SMYD4: variants seen among roughly 807,000 people sequenced by gnomAD.
SMYD4 encodes protein-lysine N-methyltransferase SMYD4.
Under a neutral mutation model 72.8 loss-of-function variants are expected in SMYD4, and 68 were observed. The observed-to-expected ratio is 0.93, with a 90% CI of 0.77 to 1.14. The LOEUF (loss-of-function observed/expected upper bound fraction) is 1.14. Among genes scored for constraint, SMYD4 ranks in the 50% most tolerant of loss-of-function variants. SMYD4 has a pLI of 0.00. For synonymous variants in SMYD4, 407 were observed against 388.6 expected, an observed-to-expected ratio of 1.05 and a Z score of -0.56; for missense variants, 984 against 1,003.7, an observed-to-expected ratio of 0.98 and a Z score of 0.27.
rs1313785666 is a variant in SMYD4, at chr17:1,823,152, T to C, written c.134+4709A>G. Among the ~76,000 whole-genome samples the C allele has an allele frequency of 5.4e-5, 8 of 149,258 alleles. No individual in the cohort carries two copies. The Admixed American group carries it at 5.4e-4, about 10-fold the overall frequency. On this transcript the variant is annotated intron_variant, in intron 2 of 10. Coordinates refer to ENST00000305513, the MANE Select transcript of SMYD4 (RefSeq NM_052928.3). ...TTGGGAGGCTGAGGCGGGTGGATCA[T>C]GAGGTCAGGAGATCAAGACCATCCT...
At chr17:1,818,454 A>T (rs1181236915) in intron 2 of SMYD4, among the ~76,000 whole-genome samples, 1 of 152,196 alleles carries the variant, frequency 6.6e-6, no homozygotes. Flanking sequence ...AAATAAGGAC[A>T]TTCTCCTATA....
At chr17:1,790,942 C>G (rs977972321) in intron 5 of SMYD4, among the ~76,000 whole-genome samples, 10 of 151,038 alleles carry the variant, frequency 6.6e-5, no homozygotes, top group Admixed American at 5.9e-4. Context: ...CTGGCTAACA[C>G]GGCGAAACCC....
At chr17:1,790,314 CTAAT>C (rs1368751938) in intron 5 of SMYD4, among the ~76,000 whole-genome samples, 2 of 152,114 alleles carry the variant, frequency 1.3e-5, no homozygotes, top group African/African-American at 4.8e-5. Flanking sequence ...GAATAGCTCT[CTAAT>C]TATTTCTAAA....
intron 5 of SMYD4, among the ~76,000 whole-genome samples, chr17:1,789,764 C>CAAAAAAAAAAA (rs60740904): frequency 4.8e-4 from 43 of 90,128 alleles, no homozygotes; most frequent in African/African-American, 1.4e-3. Flanking sequence ...GACTCTGTCT[C>CAAAAAAAAAAA]AAAAAAAAAA....
chr17:1,800,057 C>T lies in SMYD4; in HGVS notation c.1337G>A (p.Cys446Tyr). ...TAGCTGTCTGCACAGTGCAGAAACA[C>T]AGAGAGCACAGAGGAATTTGTGCTC... ...SPEHKFLCAL[C>Y]VSALCRQLEA... Residue 446 changes from cysteine (C) to tyrosine (Y), a missense_variant, in exon 5 of 11, where the codon TGT becomes TAT. Cys to Tyr is a radical substitution (Grantham distance 194). Coordinates refer to ENST00000305513, the MANE Select transcript of SMYD4 (RefSeq NM_052928.3). 1 of 1,612,934 alleles carries T rather than the reference C, an allele frequency of 6.2e-7. No homozygotes were observed. The highest frequency in any genetic ancestry group is 8.5e-7 in the Non-Finnish European group (1 of 1,179,186).
At position 1,789,634 on chromosome 17, in the gene SMYD4, G is replaced by A. The variant is rs530099231; in HGVS notation, c.1538-2030C>T. On this transcript the variant is annotated intron_variant, in intron 5 of 10. Transcript: ENST00000305513. ...TAAAAACTTAGCTGAGCGTGGTGGC[G>A]TGCACCAGTAATCCCTGCTACTCGG... 4.6e-5 allele frequency among the ~76,000 whole-genome samples: 7 copies of A among 151,380 alleles called. No homozygotes were observed. In the East Asian group the frequency reaches 9.8e-4, roughly 21 times the overall value.
chr17:1,794,055 G>GTATATATATA (rs1471465115), intron 5 of SMYD4, among the ~76,000 whole-genome samples: 2 of 70,126 alleles, frequency 2.9e-5, no homozygotes, highest in Non-Finnish European at 5.1e-5. Context: ...ATATATATGT[G>GTATATATATA]TGTATATATA....
chr17:1,819,643 G>C (rs747990230), intron 2 of SMYD4, among the ~76,000 whole-genome samples: 1 of 152,124 alleles, frequency 6.6e-6, no homozygotes, highest in Non-Finnish European at 1.5e-5. Flanking sequence ...CATCACACTA[G>C]GGGTTACAAA....
At chr17:1,791,069 G>T (rs1263038592) in intron 5 of SMYD4, among the ~76,000 whole-genome samples, 1 of 142,882 alleles carries the variant, frequency 7.0e-6, no homozygotes, top group Non-Finnish European at 1.5e-5. Flanking sequence ...GGAGCTTGCA[G>T]TGAGCCGAGA....
At position 1,828,011 on chromosome 17, in the gene SMYD4, A is replaced by T. The variant is rs1469455925; in HGVS notation, c.-12-5T>A. 6.3e-7 allele frequency: 1 copy of T among 1,596,274 alleles called. No individual in the cohort carries two copies. ...CAGATCCATGCTGCTTTTGATCTAT[A>T]AAATGAGTAAGAAAATAGGAATCTT... is the stretch of plus-strand genomic sequence containing the variant. On this transcript the variant is annotated splice_region_variant and splice_polypyrimidine_tract_variant and intron_variant, in intron 1 of 10. Coordinates refer to ENST00000305513, the MANE Select transcript of SMYD4 (RefSeq NM_052928.3).
intron 5 of SMYD4, among the ~76,000 whole-genome samples, chr17:1,789,571 T>A (rs1411368930): frequency 6.6e-6 from 1 of 151,924 alleles, no homozygotes; most frequent in Admixed American, 6.6e-5. Flanking sequence ...CAACACCAGC[T>A]TGGCCAACAT....
At position 1,812,133 on chromosome 17, in the gene SMYD4, G is replaced by A; in HGVS notation, c.135-18C>T. ...CCTCAGGTCTGCATGAAGAAAGGAGGAAACAAAGTAAGCAGAAATGTGTTA... is the reference window on the plus strand; with the variant it reads ...CCTCAGGTCTGCATGAAGAAAGGAGAAAACAAAGTAAGCAGAAATGTGTTA... On this transcript the variant is annotated intron_variant, in intron 2 of 10. Coordinates refer to ENST00000305513, the MANE Select transcript of SMYD4 (RefSeq NM_052928.3). The A allele has an allele frequency of 1.2e-6, 2 of 1,608,450 alleles. No individual in the cohort carries two copies. The highest frequency in any genetic ancestry group is 1.1e-5 in the South Asian group (1 of 89,874).
chr17:1,825,685 A>G (rs1911133171), intron 2 of SMYD4, among the ~76,000 whole-genome samples: 1 of 151,664 alleles, frequency 6.6e-6, no homozygotes, highest in Non-Finnish European at 1.5e-5. Context: ...CTAATTTTTA[A>G]AATTTGTTTA....
At chr17:1,820,263 A>G (rs957721569) in intron 2 of SMYD4, among the ~76,000 whole-genome samples, 2 of 152,024 alleles carry the variant, frequency 1.3e-5, no homozygotes, top group Non-Finnish European at 2.9e-5. Context: ...TTTTTGATCC[A>G]GGGTCTTGCT....
chr17:1,816,996 A>T (rs1910633659), intron 2 of SMYD4, among the ~76,000 whole-genome samples: 1 of 149,816 alleles, frequency 6.7e-6, no homozygotes, highest in South Asian at 2.1e-4. Flanking sequence ...AGTTTCTCCC[A>T]TTCTGTGGGT....
At chr17:1,823,693 A>G (rs963221643) in intron 2 of SMYD4, among the ~76,000 whole-genome samples, 8 of 152,158 alleles carry the variant, frequency 5.3e-5, no homozygotes, top group East Asian at 1.9e-4. Flanking sequence ...GGCCTGGCCA[A>G]TCAGAGGAGT....
Position 1,783,498 on chromosome 17 carries a change from G to T in SMYD4, c.2021-22C>A, listed in dbSNP as rs568433621. ...CGCTCTGTCAATGCAGAGGAAAGAC[G>T]TCTCACTATAGACAGAAGCCCAGTC... On this transcript the variant is annotated intron_variant, in intron 8 of 10. Transcript: ENST00000305513. The T allele has an allele frequency of 1.9e-6, 3 of 1,584,864 alleles. No homozygotes were observed. The East Asian group carries it at 6.9e-5, about 36-fold the overall frequency.
rs775476438 is a variant in SMYD4, at chr17:1,827,867, A to G, written c.128T>C (p.Leu43Pro). 6.3e-7 allele frequency: 1 copy of G among 1,599,520 alleles called. No individual in the cohort carries two copies. The highest frequency in any genetic ancestry group is 1.1e-5 in the South Asian group (1 of 90,338). Residue 43 changes from leucine to proline, a missense_variant, in exon 2 of 11, where the codon CTT becomes CCT. By Grantham distance (98) the Leu-to-Pro change is moderately conservative (BLOSUM62 -3). Transcript: ENST00000305513. ...LRDIFLHSSSLLQPEDELFLK... is the reference protein window; with the variant it reads ...LRDIFLHSSSPLQPEDELFLK... ...TAAAGCTTGATTTACTTACTGAAGA[A>G]GTGAAGAGGAGTGAAGAAAGATATC...
chr17:1,827,816 C>T, intron 2 of SMYD4, 45 bp downstream of exon 2: 2 of 1,572,190 alleles, frequency 1.3e-6, no homozygotes, highest in Non-Finnish European at 1.7e-6. Flanking sequence ...CAAAATAGAA[C>T]ATTTTTTGGC....
Sources: gnomAD v4.1 joint callset for allele counts (sites outside exome capture counted in the v4.1 genomes callset) on GRCh38, gnomAD v4.1.1 for gene constraint, MANE v1.5 for transcripts, NCBI Gene and HGNC (gene_info 2026-07-23, HGNC 2026-07-21) for gene names.